Variants in GLT1D1 observed in about 807,000 individuals in gnomAD.
GLT1D1 encodes glycosyltransferase 1 domain-containing protein 1.
In GLT1D1, 21 loss-of-function variants were observed where a neutral mutation model predicts 28.7. That is an observed-to-expected ratio of 0.73 (90% CI 0.52 to 1.05). The LOEUF (loss-of-function observed/expected upper bound fraction) is 1.05. Among genes scored for constraint, GLT1D1 ranks in the 50% least tolerant of loss-of-function variants. The probability of loss-of-function intolerance (pLI) is 0.00; values close to 1 mark genes in which losing one functional copy is unlikely to be tolerated. For synonymous variants in GLT1D1, 147 were observed against 124.8 expected (o/e 1.18, Z -1.19); for missense variants, 343 against 330.6 (o/e 1.04, Z -0.29).
chr12:128,867,416 ACAG>A (rs370410556), intron 1 of GLT1D1, among the ~76,000 whole-genome samples: 4 of 129,506 alleles, frequency 3.1e-5, no homozygotes, highest in Admixed American at 2.3e-4. Flanking sequence ...AAAAAAAAAA[ACAG>A]AAAAAAAAAA....
rs2117458 is a variant in GLT1D1 at position 128,918,599 on chromosome 12, T to C, written c.375+19312T>C. ...ATTTTATCAGAAATAATTTTCGTAG[T>C]GTATTCATCAATCTCAGCCACACTA... On this transcript the variant is annotated intron_variant, in intron 4 of 7. Transcript: ENST00000281703. 2.0e-5 allele frequency among the ~76,000 whole-genome samples: 3 copies of C among 152,364 alleles called. No individual in the cohort carries two copies. The East Asian group carries it at 5.8e-4, about 29-fold the overall frequency.
At chr12:128,950,321 C>A (rs1482638381) in intron 6 of GLT1D1, among the ~76,000 whole-genome samples, 1 of 152,174 alleles carries the variant, frequency 6.6e-6, no homozygotes, top group Non-Finnish European at 1.5e-5. Context: ...TGAATTGATT[C>A]TAATCAATTC....
intron 1 of GLT1D1, among the ~76,000 whole-genome samples, chr12:128,868,374 C>T (rs1385917348): frequency 2.6e-5 from 4 of 152,118 alleles, no homozygotes. Context: ...GGAGATGGGG[C>T]TCGTCCTCCT....
At chr12:128,972,715 A>G (rs470395) in intron 7 of GLT1D1, among the ~76,000 whole-genome samples, 20,314 of 152,168 alleles carry the variant, frequency 0.13, 3,279 homozygotes, top group African/African-American at 0.37. Flanking sequence ...CAGAGGAGTT[A>G]ACTTCCTCAA....
chr12:128,891,811 T>A (rs1047468262), intron 3 of GLT1D1, among the ~76,000 whole-genome samples: 1 of 152,156 alleles, frequency 6.6e-6, no homozygotes, highest in Non-Finnish European at 1.5e-5. Flanking sequence ...CCAAAAAACC[T>A]GAGACAGGTC....
chr12:128,897,830 G>T (rs534879612), intron 3 of GLT1D1, among the ~76,000 whole-genome samples: 11 of 151,626 alleles, frequency 7.3e-5, no homozygotes, highest in Non-Finnish European at 1.0e-4. Flanking sequence ...CACCATGCCC[G>T]GCTAATTTTT....
chr12:128,882,949 C>G (rs762944687), intron 2 of GLT1D1, among the ~76,000 whole-genome samples: 2 of 150,290 alleles, frequency 1.3e-5, no homozygotes, highest in African/African-American at 4.9e-5. Context: ...TTTTTTGAGA[C>G]GGAGTCTCAC....
At chr12:128,937,267 A>C (rs764326127) in intron 4 of GLT1D1, among the ~76,000 whole-genome samples, 7 of 152,338 alleles carry the variant, frequency 4.6e-5, no homozygotes, top group Non-Finnish European at 1.0e-4. Flanking sequence ...TGTTTAGGAT[A>C]ATTCGAGCAA....
chr12:128,867,415 A>ACGG (rs1956566281), intron 1 of GLT1D1, among the ~76,000 whole-genome samples: 1 of 141,082 alleles, frequency 7.1e-6, no homozygotes, highest in African/African-American at 2.8e-5. Flanking sequence ...AAAAAAAAAA[A>ACGG]ACAGAAAAAA....
chr12:128,911,061 C>G (rs1193323889), intron 4 of GLT1D1, among the ~76,000 whole-genome samples: 3 of 152,204 alleles, frequency 2.0e-5, no homozygotes, highest in Non-Finnish European at 4.4e-5. Flanking sequence ...TCCCAAGCAG[C>G]TGGGATTACA....
At chr12:128,981,843 TGAG>T (rs1045220401) in intron 7 of GLT1D1, among the ~76,000 whole-genome samples, 2 of 152,090 alleles carry the variant, frequency 1.3e-5, no homozygotes, top group African/African-American at 4.8e-5. Context: ...GATTGACAGT[TGAG>T]GAGCTGAGGC....
At position 128,947,180 on chromosome 12, in the gene GLT1D1, A is replaced by G. The variant is rs553708655; in HGVS notation, c.420-158A>G. ...CTTGTCAGGGACATGAGCTGTAAGG[A>G]TTTCCACCCCAGTATAGTTCTCCTG... On this transcript the variant is annotated intron_variant, in intron 5 of 7. Coordinates refer to ENST00000281703, the MANE Select transcript of GLT1D1 (RefSeq NM_144669.3). The G allele has an allele frequency of 1.1e-4, 84 of 755,494 alleles. No homozygotes were observed. In the South Asian group the frequency reaches 1.4e-3, roughly 13 times the overall value. The allele number at this position is 755,494 out of a possible 1,614,324, so 46.8% of individuals were successfully genotyped here. A position where few individuals can be genotyped will look rare whatever the true frequency, so the allele number is the denominator to read the frequency against.
intron 4 of GLT1D1, among the ~76,000 whole-genome samples, chr12:128,913,267 T>C (rs1052693103): frequency 3.9e-5 from 6 of 152,210 alleles, no homozygotes; most frequent in African/African-American, 7.2e-5. Context: ...TCGCCCAGGC[T>C]GGAGTGCAGT....
At chr12:128,974,588 G>A (rs1032701560) in intron 7 of GLT1D1, among the ~76,000 whole-genome samples, 26 of 152,068 alleles carry the variant, frequency 1.7e-4, no homozygotes, top group Admixed American at 5.9e-4. Context: ...ACTCTTTTTC[G>A]TGAGTTTGGT....
At chr12:128,908,412 CTTTCT>C (rs1871160470) in intron 4 of GLT1D1, among the ~76,000 whole-genome samples, 1 of 143,320 alleles carries the variant, frequency 7.0e-6, no homozygotes, top group African/African-American at 2.6e-5. Context: ...CTCTTTCTTT[CTTTCT>C]TTTTCTTTCC....
intron 4 of GLT1D1, chr12:128,944,630 T>C (rs557509438): frequency 4.1e-6 from 3 of 736,796 alleles, no homozygotes; most frequent in Non-Finnish European, 7.6e-6. Flanking sequence ...ACTGTGTCGG[T>C]CTGATCAGCT....
At chr12:128,866,092 G>C (rs1956509170) in intron 1 of GLT1D1, among the ~76,000 whole-genome samples, 1 of 142,160 alleles carries the variant, frequency 7.0e-6, no homozygotes, top group African/African-American at 2.6e-5. Context: ...TTTTGAGACA[G>C]AGTCTTGGCT....
intron 7 of GLT1D1, among the ~76,000 whole-genome samples, chr12:128,975,075 G>C (rs1879636091): frequency 6.6e-6 from 1 of 152,174 alleles, no homozygotes; most frequent in African/African-American, 2.4e-5. Flanking sequence ...TCATGCTACA[G>C]ACTCCCACGC....
intron 4 of GLT1D1, among the ~76,000 whole-genome samples, chr12:128,939,840 C>CT (rs1555271952): frequency 7.0e-6 from 1 of 142,538 alleles, no homozygotes; most frequent in African/African-American, 2.7e-5. Flanking sequence ...GTTAGAAACC[C>CT]CCCCCCACCG....
Sources: allele counts gnomAD v4.1 joint callset (sites outside exome capture counted in the v4.1 genomes callset), GRCh38; gene constraint gnomAD v4.1.1; transcripts MANE v1.5; gene names NCBI Gene and HGNC (gene_info 2026-07-23, HGNC 2026-07-21).